The following PRR14L variants were observed in gnomAD, a reference collection of about 807,000 sequenced individuals.
PRR14L encodes protein PRR14L.
Under a neutral mutation model 155.0 loss-of-function variants are expected in PRR14L, and 80 were observed. That is an observed-to-expected ratio of 0.52 (90% confidence interval 0.43 to 0.62). PRR14L has a LOEUF of 0.62. PRR14L is among the 20% of genes least tolerant of loss of function. The probability of loss-of-function intolerance (pLI) is 0.00; values close to 1 mark genes in which losing one functional copy is unlikely to be tolerated. For synonymous variants in PRR14L, 883 were observed against 916.0 expected, an observed-to-expected ratio of 0.96 and a Z score of 0.65; for missense variants, 2,469 against 2,548.0, an observed-to-expected ratio of 0.97 and a Z score of 0.67.
At chr22:31,730,361 C>A (rs901317481) in intron 2 of PRR14L, among the ~76,000 whole-genome samples, 1 of 151,984 alleles carries the variant, frequency 6.6e-6, no homozygotes, top group Non-Finnish European at 1.5e-5. Flanking sequence ...CTGTTTGAAC[C>A]GGGACCCGGG....
chr22:31,747,714 AG>A (rs1226932140), intron 1 of PRR14L, among the ~76,000 whole-genome samples: 1 of 151,330 alleles, frequency 6.6e-6, no homozygotes, highest in Non-Finnish European at 1.5e-5. Context: ...ACGGCGTTTG[AG>A]GTAATTTAAG....
At chr22:31,742,888 A>G (rs2074819824) in intron 1 of PRR14L, among the ~76,000 whole-genome samples, 1 of 152,226 alleles carries the variant, frequency 6.6e-6, no homozygotes, top group Admixed American at 6.5e-5. Flanking sequence ...TTCAGCCATA[A>G]AAAGGAATGG....
intron 2 of PRR14L, among the ~76,000 whole-genome samples, chr22:31,728,268 T>G (rs2074728752): frequency 6.6e-6 from 1 of 152,156 alleles, no homozygotes; most frequent in African/African-American, 2.4e-5. Flanking sequence ...AATTTCCTTT[T>G]TCTACAATAT....
In PRR14L at chr22:31,738,778, A is replaced by G; in HGVS notation, c.83T>C (p.Leu28Pro). Residue 28 changes from leucine to proline, a missense_variant, in exon 2 of 9, where the codon CTC (leucine) becomes CCC (proline). This residue lies in a region of PRR14L where 2,363 missense variants were observed against 2,371.6 expected (regional missense o/e 1.00). Coordinates refer to ENST00000327423, the MANE Select transcript of PRR14L (RefSeq NM_173566.3). ...SAVVQELYSE[L>P]PVSVSRELHA... ...AAGCTCTCTGGAGACACTTACTGGG[A>G]GTTCAGAGTATAATTCCTGTACCAC... 1 of 1,551,832 alleles carries G rather than the reference A, an allele frequency of 6.4e-7. No individual in the cohort carries two copies. The highest frequency in any genetic ancestry group is 8.7e-7 in the Non-Finnish European group (1 of 1,147,056).
At chr22:31,719,509 C>T (rs131227) in intron 3 of PRR14L, among the ~76,000 whole-genome samples, 1,672 of 152,180 alleles carry the variant, frequency 0.011, 32 homozygotes, top group African/African-American at 0.038. Flanking sequence ...TTGTTCTCTT[C>T]CTTATAGTTC....
rs377090187 is a variant in PRR14L at position 31,722,201 on chromosome 22, G to A, written c.547+3337C>T. On this transcript the variant is annotated intron_variant, in intron 3 of 8. Coordinates refer to ENST00000327423, the MANE Select transcript of PRR14L (RefSeq NM_173566.3). ...TCTCAGCACTTTGGGAGCCTGAGAC[G>A]GGTGGATCACCTGAGGTCAGGAGTT... Among the ~76,000 whole-genome samples the A allele has an allele frequency of 7.2e-5, 11 of 152,084 alleles. No homozygotes were observed. The East Asian group carries it at 1.9e-3, about 27-fold the overall frequency.
chr22:31,734,737 G>C (rs1472363696), intron 2 of PRR14L, among the ~76,000 whole-genome samples: 1 of 152,032 alleles, frequency 6.6e-6, no homozygotes, highest in Non-Finnish European at 1.5e-5. Context: ...TTTTCAGGTT[G>C]TGTCATTAGT....
chr22:31,701,836 C>G (rs2074564692), intron 6 of PRR14L, 74 bp from the exon 7 acceptor site: 2 of 1,195,772 alleles, frequency 1.7e-6, no homozygotes. Context: ...GAGACAAGGT[C>G]TCACTCTGTG....
chr22:31,725,637 G>C (rs1569499789), intron 2 of PRR14L, 27 bp from the exon 3 acceptor site: 3 of 1,376,328 alleles, frequency 2.2e-6, no homozygotes, highest in Admixed American at 2.0e-5. Context: ...CAGTGGTCAA[G>C]GGGGATTCAG....
chr22:31,708,243 G>GT (rs961931371), intron 4 of PRR14L, among the ~76,000 whole-genome samples: 7 of 151,896 alleles, frequency 4.6e-5, no homozygotes, highest in Non-Finnish European at 8.8e-5. Context: ...CATGTTCTGG[G>GT]TTTTTTTTCT....
At chr22:31,689,902 C>G (rs1226118216) in intron 7 of PRR14L, among the ~76,000 whole-genome samples, 3 of 151,870 alleles carry the variant, frequency 2.0e-5, no homozygotes, top group Non-Finnish European at 4.4e-5. Context: ...TCCGCCACCA[C>G]ACCTGGCTAA....
intron 2 of PRR14L, among the ~76,000 whole-genome samples, chr22:31,731,774 G>T (rs1343684415): frequency 6.6e-6 from 1 of 152,014 alleles, no homozygotes; most frequent in African/African-American, 2.4e-5. Context: ...ACCCCTGTGA[G>T]AAACAAATTT....
chr22:31,749,128 C>T (rs2074857311), intron 1 of PRR14L, among the ~76,000 whole-genome samples: 1 of 152,200 alleles, frequency 6.6e-6, no homozygotes, highest in Non-Finnish European at 1.5e-5. Context: ...CAAATGCTCC[C>T]TTAGCCCGCA....
rs555100984 is a variant in PRR14L at position 31,731,710 on chromosome 22, T to C, written c.475-6100A>G. Among the ~76,000 whole-genome samples the C allele has an allele frequency of 1.7e-3, 258 of 152,274 alleles. 1 individual carries two copies. Among genetic ancestry groups the C allele is most frequent in the African/African-American group, 6.1e-3 (253 of 41,564 alleles). On this transcript the variant is annotated intron_variant, in intron 2 of 8. Coordinates refer to ENST00000327423, the MANE Select transcript of PRR14L (RefSeq NM_173566.3). ...CTCATTATCCACATATATTTACTTA[T>C]TTCCCCAATCCTAGAACACATATAG...
Position 31,712,762 on chromosome 22 carries a change from G to A in PRR14L, c.5077C>T (p.Leu1693Phe). The change falls in exon 4 of 9, where the codon CTC (leucine) becomes TTC (phenylalanine). Residue 1693 changes from leucine to phenylalanine, a missense_variant. Transcript: ENST00000327423. ...PNSKPMALYS[L>F]ESIKMTFIDL... Reference sequence around the variant, plus strand: ...ATGAAGGTCATCTTGATGGATTCGAGAGAATAAAGTGCCATGGGCTTACTG... The same window carrying A: ...ATGAAGGTCATCTTGATGGATTCGAAAGAATAAAGTGCCATGGGCTTACTG... 6.4e-7 allele frequency: 1 copy of A among 1,551,910 alleles called. No homozygotes were observed. Among genetic ancestry groups the A allele is most frequent in the Non-Finnish European group, 8.7e-7 (1 of 1,147,052 alleles).
intron 7 of PRR14L, among the ~76,000 whole-genome samples, chr22:31,696,869 C>T (rs1318958320): frequency 6.6e-6 from 1 of 152,060 alleles, no homozygotes. Flanking sequence ...AATCCCAGCA[C>T]TTTGGGAGGC....
intron 1 of PRR14L, among the ~76,000 whole-genome samples, chr22:31,748,784 G>A (rs1304950329): frequency 1.3e-5 from 2 of 152,284 alleles, no homozygotes; most frequent in South Asian, 2.1e-4. Flanking sequence ...TCTGGCATCA[G>A]GTCTCACTTT....
intron 7 of PRR14L, among the ~76,000 whole-genome samples, chr22:31,696,006 A>C (rs2074533482): frequency 6.6e-6 from 1 of 152,166 alleles, no homozygotes. Context: ...AAATCCTAAG[A>C]GCTAAATTAG....
intron 4 of PRR14L, among the ~76,000 whole-genome samples, chr22:31,708,506 T>C (rs945171962): frequency 6.6e-6 from 1 of 151,916 alleles, no homozygotes; most frequent in Non-Finnish European, 1.5e-5. Flanking sequence ...TTCCTGTTTT[T>C]AGTAGAGACG....
Sources: allele counts gnomAD v4.1 joint callset (sites outside exome capture counted in the v4.1 genomes callset), GRCh38; gene constraint gnomAD v4.1.1; regional missense constraint gnomAD v4.1.1; transcripts MANE v1.5; gene names NCBI Gene and HGNC (gene_info 2026-07-23, HGNC 2026-07-21).